ITPR2: variants seen among roughly 807,000 people sequenced by gnomAD.
The protein encoded by ITPR2 is inositol 1,4,5-trisphosphate receptor type 2.
A neutral mutation model predicts 317.1 loss-of-function variants in ITPR2; 207 were observed. That is an observed-to-expected ratio of 0.65 (90% confidence interval 0.58 to 0.73). The LOEUF is 0.73. Among genes scored for constraint, ITPR2 ranks in the 30% least tolerant of loss-of-function variants. The pLI is 0.00. For missense variants in ITPR2, 2,613 were observed against 3,284.0 expected (o/e 0.80, Z 4.99); for synonymous variants, 1,156 against 1,149.1 (o/e 1.01, Z -0.12).
intron 35 of ITPR2, among the ~76,000 whole-genome samples, chr12:26,560,506 C>T (rs1308870151): frequency 6.6e-6 from 1 of 152,168 alleles, no homozygotes; most frequent in African/African-American, 2.4e-5. Context: ...AGTCTCTAAT[C>T]ATCGGGGCCT....
At chr12:26,347,443 C>T (rs1281520577) in intron 55 of ITPR2, among the ~76,000 whole-genome samples, 10 of 152,084 alleles carry the variant, frequency 6.6e-5, no homozygotes, top group African/African-American at 1.2e-4. Flanking sequence ...ATGCTATGAC[C>T]GATACCCACA....
In ITPR2 at chr12:26,578,679, T is replaced by C. The variant is rs779844485; in HGVS notation, c.4630+34A>G. The C allele has an allele frequency of 3.9e-6, 6 of 1,548,242 alleles. No homozygotes were observed. The Admixed American group carries it at 7.0e-5, about 18-fold the overall frequency. On this transcript the variant is annotated intron_variant, in intron 34 of 56. Transcript: ENST00000381340. ...CCAAAAACCTAATTTCTTCAAGAAA[T>C]GTAAAAATAAGTAAAACTCAAACTA... is the stretch of plus-strand genomic sequence containing the variant.
In ITPR2 at chr12:26,475,715, A is replaced by G. The variant is rs148689927; in HGVS notation, c.6220-297T>C. On this transcript the variant is annotated intron_variant, in intron 44 of 56. Coordinates refer to ENST00000381340, the MANE Select transcript of ITPR2 (RefSeq NM_002223.4). ...ATCCATTATTTACTAAGTGCCCACT[A>G]AGTAACAGGCAGACATGGTGCTAGA... Among the ~76,000 whole-genome samples the G allele has an allele frequency of 1.3e-3, 202 of 152,324 alleles. 1 individual carries two copies. The highest frequency in any genetic ancestry group is 4.5e-3 in the African/African-American group (189 of 41,558).
intron 10 of ITPR2, 54 bp from the exon 11 acceptor site, chr12:26,686,686 C>A: frequency 6.8e-7 from 1 of 1,466,428 alleles, no homozygotes; most frequent in Non-Finnish European, 9.3e-7. Context: ...GCTAAACTCT[C>A]CAATTAATCA....
chr12:26,451,226 A>C (rs1193723187), intron 45 of ITPR2, among the ~76,000 whole-genome samples: 3 of 152,170 alleles, frequency 2.0e-5, no homozygotes, highest in African/African-American at 4.8e-5. Context: ...ATTCCAAAGA[A>C]TACAGACAAA....
At chr12:26,400,081 T>A in intron 53 of ITPR2, 47 bp downstream of exon 53, 2 of 1,557,454 alleles carry the variant, frequency 1.3e-6, no homozygotes, top group Non-Finnish European at 8.7e-7. Context: ...AAGAAAGGTT[T>A]AAAAAAAAGA....
At position 26,425,078 on chromosome 12, in the gene ITPR2, A is replaced by C. The variant is rs140288403; in HGVS notation, c.6945+2835T>G. On this transcript the variant is annotated intron_variant, in intron 49 of 56. Transcript: ENST00000381340. ...ACCCAGCAGTGAACTTGTTATGTTA[A>C]AAATGAAGGTAGATGATATTCGCTA... Among the ~76,000 whole-genome samples the C allele has an allele frequency of 6.2e-3, 946 of 152,010 alleles. 8 individuals are homozygous for C. The highest frequency in any genetic ancestry group is 0.017 in the Middle Eastern group (5 of 294).
At chr12:26,550,604 G>A (rs1944499966) in intron 36 of ITPR2, among the ~76,000 whole-genome samples, 1 of 151,838 alleles carries the variant, frequency 6.6e-6, no homozygotes, top group Admixed American at 6.6e-5. Context: ...CTTTTAGTGG[G>A]ATACAATACT....
At chr12:26,682,262 C>T (rs1030729601) in intron 12 of ITPR2, among the ~76,000 whole-genome samples, 2 of 152,196 alleles carry the variant, frequency 1.3e-5, no homozygotes, top group African/African-American at 2.4e-5. Flanking sequence ...CCCTTTCACA[C>T]TTGCCCTCTG....
At chr12:26,562,979 A>G (rs1944861473) in intron 34 of ITPR2, among the ~76,000 whole-genome samples, 1 of 152,154 alleles carries the variant, frequency 6.6e-6, no homozygotes, top group South Asian at 2.1e-4. Flanking sequence ...AAAAAAGACA[A>G]AGGTAAGATA....
At position 26,384,222 on chromosome 12, in the gene ITPR2, G is replaced by A. The variant is rs1453421530; in HGVS notation, c.7857+3212C>T. On this transcript the variant is annotated intron_variant, in intron 55 of 56. Transcript: ENST00000381340. ...TACAAAATCTTCTCTCTCTCTAGGA[G>A]GATAGTCAGAAGGCCATCATTTCCA... 2.0e-5 allele frequency among the ~76,000 whole-genome samples: 3 copies of A among 152,198 alleles called. No homozygotes were observed. The East Asian group carries it at 5.8e-4, about 29-fold the overall frequency.
In ITPR2 at chr12:26,472,923, A is replaced by G. The variant is rs147636056; in HGVS notation, c.6342+2373T>C. Among the ~76,000 whole-genome samples the G allele has an allele frequency of 4.0e-3, 601 of 151,862 alleles. 12 individuals are homozygous for G. The highest frequency in any genetic ancestry group is 0.026 in the Admixed American group (402 of 15,260). ...TCGTTTTGAGACAGAGTCTTGCTCTATCGCCCAGGATGGAGTGCAGTGGAG... is the reference window on the plus strand; with the variant it reads ...TCGTTTTGAGACAGAGTCTTGCTCTGTCGCCCAGGATGGAGTGCAGTGGAG... On this transcript the variant is annotated intron_variant, in intron 45 of 56. Transcript: ENST00000381340.
chr12:26,439,301 T>C lies in ITPR2; in HGVS notation c.6469A>G (p.Thr2157Ala), dbSNP rs755202727. The C allele has an allele frequency of 6.2e-7, 1 of 1,606,058 alleles. No individual in the cohort carries two copies. ...AQIEIVRHDRTMEQIVFPVPN... is the reference protein window; with the variant it reads ...AQIEIVRHDRAMEQIVFPVPN... ...ACAGGAAAAACTATTTGTTCCATGG[T>C]CCTATCATGCCGGACAATCTGAAAA... Residue 2157 changes from threonine to alanine, a missense_variant, in exon 47 of 57, where the codon ACC (threonine) becomes GCC (alanine). This residue lies in a region of ITPR2 where 926 missense variants were observed against 1,072.8 expected (regional missense o/e 0.86). Coordinates refer to ENST00000381340, the MANE Select transcript of ITPR2 (RefSeq NM_002223.4).
In ITPR2 at chr12:26,468,464, A is replaced by C. The variant is rs185681716; in HGVS notation, c.6342+6832T>G. Among the ~76,000 whole-genome samples the C allele has an allele frequency of 1.6e-3, 238 of 152,098 alleles. 2 individuals carry two copies. The highest frequency in any genetic ancestry group is 5.5e-3 in the African/African-American group (230 of 41,518). On this transcript the variant is annotated intron_variant, in intron 45 of 56. Coordinates refer to ENST00000381340, the MANE Select transcript of ITPR2 (RefSeq NM_002223.4). Reference sequence around the variant, plus strand: ...ATTAATCTTACATAGTGGATGTATTATCTAGAAATATTATCAGCATGCATG... The same window carrying C: ...ATTAATCTTACATAGTGGATGTATTCTCTAGAAATATTATCAGCATGCATG...
chr12:26,387,451 C>T lies in ITPR2; in HGVS notation c.7840G>A (p.Val2614Met). 6.2e-7 allele frequency: 1 copy of T among 1,613,642 alleles called. No homozygotes were observed. The highest frequency in any genetic ancestry group is 1.1e-5 in the South Asian group (1 of 91,038). The part of the protein sequence containing the change: ...PTEYTGPESY[V>M]AQMIVEKNLD... Reference sequence around the variant, plus strand: ...TCACTCACCACAATCATTTGAGCCACATAACTTTCAGGTCCAGTGTATTCT... The same window carrying T: ...TCACTCACCACAATCATTTGAGCCATATAACTTTCAGGTCCAGTGTATTCT... Residue 2614 changes from valine (V) to methionine (M), a missense_variant, in exon 55 of 57, where the codon GTG (valine) becomes ATG (methionine). Val to Met is a conservative substitution (Grantham distance 21). Coordinates refer to ENST00000381340, the MANE Select transcript of ITPR2 (RefSeq NM_002223.4).
chr12:26,543,619 C>A (rs1311400812), intron 37 of ITPR2, among the ~76,000 whole-genome samples: 1 of 151,962 alleles, frequency 6.6e-6, no homozygotes, highest in Non-Finnish European at 1.5e-5. Flanking sequence ...ACTAAAAATA[C>A]AAAAATTAGC....
chr12:26,768,571 TAAAAAAAAAAA>T lies in ITPR2; in HGVS notation c.163+21575_163+21585del, dbSNP rs879291062. ...TCAAATGGATGAATACAAATATATA[TAAAAAAAAAAA>T]AAAAAAAAAAAAAAACCTCCTGTTT... On this transcript the variant is annotated intron_variant, in intron 2 of 56. Coordinates refer to ENST00000381340, the MANE Select transcript of ITPR2 (RefSeq NM_002223.4). Among the ~76,000 whole-genome samples, 6 of 96,164 alleles carry T rather than the reference TAAAAAAAAAAA, an allele frequency of 6.2e-5. No homozygotes were observed. The East Asian group carries it at 2.1e-3, about 34-fold the overall frequency. The allele number at this position is 96,164 out of a possible 152,430, so 63.1% of individuals were successfully genotyped here.
chr12:26,829,527 A>AAATAT (rs1951066453), intron 1 of ITPR2, among the ~76,000 whole-genome samples: 1 of 152,226 alleles, frequency 6.6e-6, no homozygotes, highest in East Asian at 1.9e-4. Flanking sequence ...TTTTTTGTAC[A>AAATAT]GACAGGGTCT....
At chr12:26,668,878 T>G (rs1947686673) in intron 13 of ITPR2, among the ~76,000 whole-genome samples, 1 of 151,990 alleles carries the variant, frequency 6.6e-6, no homozygotes, top group Non-Finnish European at 1.5e-5. Context: ...CCCAGCATTT[T>G]GGGAGGTTGA....
Sources: gnomAD v4.1 joint callset for allele counts (sites outside exome capture counted in the v4.1 genomes callset) on GRCh38, gnomAD v4.1.1 for gene constraint, gnomAD v4.1.1 regional missense constraint, MANE v1.5 for transcripts, NCBI Gene and HGNC (gene_info 2026-07-23, HGNC 2026-07-21) for gene names.